Variants in ABCG2 observed in about 807,000 individuals in gnomAD.
The protein encoded by ABCG2 is ATP binding cassette subfamily G member 2 (JR blood group), also known as broad substrate specificity ATP-binding cassette transporter ABCG2.
ABCG2 carries 80 observed loss-of-function variants against 73.5 expected under a neutral mutation model. The ratio of observed to expected loss-of-function variants is 1.09; its 90% confidence interval spans 0.91 to 1.31. The LOEUF is 1.31. Ranked by LOEUF, ABCG2 falls within the 50% of genes most tolerant of loss-of-function variation. The probability of loss-of-function intolerance (pLI) is 0.00; values close to 1 mark genes in which losing one functional copy is unlikely to be tolerated. For synonymous variants in ABCG2, 269 were observed against 282.4 expected (o/e 0.95, Z 0.48); for missense variants, 796 against 786.2 (o/e 1.01, Z -0.15).
At chr4:88,153,070 C>T (rs539030527) in intron 1 of ABCG2, among the ~76,000 whole-genome samples, 3 of 152,240 alleles carry the variant, frequency 2.0e-5, no homozygotes, top group Admixed American at 1.3e-4. Context: ...GGACCCAGGA[C>T]ATCCAATTAG....
At chr4:88,156,140 C>T (rs188077525) in intron 1 of ABCG2, among the ~76,000 whole-genome samples, 16 of 151,746 alleles carry the variant, frequency 1.1e-4, no homozygotes, top group South Asian at 4.2e-4. Context: ...TTTGGGAGGC[C>T]GAGGCGGGCA....
At chr4:88,106,146 G>GT (rs1352872304) in intron 10 of ABCG2, among the ~76,000 whole-genome samples, 2 of 151,988 alleles carry the variant, frequency 1.3e-5, no homozygotes, top group East Asian at 1.9e-4. Context: ...TTTTTTGTTT[G>GT]TTTTTTTAAG....
rs1198133094 is a variant in ABCG2 at position 88,154,839 on chromosome 4, A to G, written c.-20+3547T>C. Among the ~76,000 whole-genome samples the G allele has an allele frequency of 3.9e-5, 6 of 152,276 alleles. No individual in the cohort carries two copies. The East Asian group carries it at 1.2e-3, about 29-fold the overall frequency. ...GAAAATAGATTTTGGAAGTTATGAG[A>G]GCTGTAGAGAGTGAGTTGAGCATAG... is the stretch of plus-strand genomic sequence containing the variant. On this transcript the variant is annotated intron_variant, in intron 1 of 15. Transcript: ENST00000237612.
At chr4:88,192,106 G>T (rs1321240838) in intron 1 of ABCG2, among the ~76,000 whole-genome samples, 1 of 151,852 alleles carries the variant, frequency 6.6e-6, no homozygotes, top group Non-Finnish European at 1.5e-5. Flanking sequence ...ACTTGAACTC[G>T]GGAGGTGGAG....
chr4:88,145,668 G>A (rs935820599), intron 1 of ABCG2, among the ~76,000 whole-genome samples: 2 of 152,014 alleles, frequency 1.3e-5, no homozygotes, highest in Non-Finnish European at 2.9e-5. Context: ...GGCCAGGTGC[G>A]GTGGCTCTTG....
intron 5 of ABCG2, among the ~76,000 whole-genome samples, chr4:88,124,880 A>T (rs961470663): frequency 2.6e-5 from 4 of 152,222 alleles, no homozygotes; most frequent in Non-Finnish European, 5.9e-5. Context: ...CACAGCACTT[A>T]TTCTAAAATT....
At chr4:88,106,964 C>T (rs1381783335) in intron 10 of ABCG2, among the ~76,000 whole-genome samples, 1 of 152,160 alleles carries the variant, frequency 6.6e-6, no homozygotes, top group Non-Finnish European at 1.5e-5. Flanking sequence ...ATTGCTTGAA[C>T]CCGGGAGGCG....
intron 1 of ABCG2, among the ~76,000 whole-genome samples, chr4:88,165,882 AAAAG>A (rs1310609115): frequency 1.3e-5 from 2 of 152,176 alleles, no homozygotes; most frequent in African/African-American, 2.4e-5. Flanking sequence ...TCAAAAAAAA[AAAAG>A]AGAGAGAGAA....
intron 7 of ABCG2, among the ~76,000 whole-genome samples, chr4:88,115,284 A>ATATATATATATATATT (rs58774529): frequency 3.8e-4 from 28 of 73,124 alleles, no homozygotes; most frequent in East Asian, 8.4e-4. Context: ...ATATATATAT[A>ATATATATATATATATT]ATTTATTTAT....
chr4:88,126,157 G>A (rs531489634), intron 5 of ABCG2, among the ~76,000 whole-genome samples: 4 of 152,188 alleles, frequency 2.6e-5, no homozygotes, highest in South Asian at 2.1e-4. Context: ...ACACCTCTAC[G>A]CAAATAAACT....
intron 5 of ABCG2, among the ~76,000 whole-genome samples, chr4:88,123,552 G>T (rs1320342250): frequency 6.6e-6 from 1 of 151,910 alleles, no homozygotes; most frequent in Non-Finnish European, 1.5e-5. Context: ...TCAAGCGGAA[G>T]AAAGGATATA....
chr4:88,090,657 C>T lies in ABCG2; in HGVS notation c.*1577G>A, dbSNP rs2110162587. ...TGACCAGTGTCAGGGCGTCTATACACCATGATGCCCCAGCTCAGTTAACTC... is the reference window on the plus strand; with the variant it reads ...TGACCAGTGTCAGGGCGTCTATACATCATGATGCCCCAGCTCAGTTAACTC... On this transcript the variant is annotated 3_prime_UTR_variant, in exon 16 of 16. Transcript: ENST00000237612. 1 of 152,320 alleles carries T rather than the reference C, an allele frequency of 6.6e-6. No homozygotes were observed. Among genetic ancestry groups the T allele is most frequent in the East Asian group, 1.9e-4 (1 of 5,186 alleles). The allele number at this position is 152,320 out of a possible 1,614,324, so 9.4% of individuals were successfully genotyped here.
Position 88,230,085 on chromosome 4 carries a change from T to C in ABCG2, c.-20+909A>G, listed in dbSNP as rs529822601. ...TTAGCTCACTGCAAATGCTGCCTCC[T>C]GGGTTTAAGCGATTCTCCTGCCTCA... On this transcript the variant is annotated intron_variant, in intron 1 of 15. Transcript: ENST00000515655. Among the ~76,000 whole-genome samples, 15 of 149,680 alleles carry C rather than the reference T, an allele frequency of 1.0e-4. No individual in the cohort carries two copies. In the South Asian group the frequency reaches 3.2e-3, roughly 32 times the overall value.
At chr4:88,108,476 G>A (rs1032845130) in intron 9 of ABCG2, among the ~76,000 whole-genome samples, 8 of 152,038 alleles carry the variant, frequency 5.3e-5, no homozygotes, top group Admixed American at 1.3e-4. Flanking sequence ...AGGTTGCAGC[G>A]AGCCAAGATC....
intron 1 of ABCG2, among the ~76,000 whole-genome samples, chr4:88,198,058 C>T (rs115135870): frequency 0.016 from 2,461 of 149,544 alleles, 34 homozygotes; most frequent in Middle Eastern, 0.032. Context: ...CGTTTGTTTC[C>T]AGCTGGGCAT....
intron 1 of ABCG2, among the ~76,000 whole-genome samples, chr4:88,165,447 G>A (rs1283687240): frequency 6.6e-6 from 1 of 152,166 alleles, no homozygotes; most frequent in African/African-American, 2.4e-5. Context: ...AAAGCCAGCA[G>A]CATAGCAGCC....
rs145936412 is a variant in ABCG2 at position 88,226,392 on chromosome 4, C to T, written c.-20+4602G>A. On this transcript the variant is annotated intron_variant, in intron 1 of 15. Coordinates refer to the ABCG2 transcript ENST00000515655. Reference sequence around the variant, plus strand: ...CACACAAGAACATGTTTGACCATGACTAAACCTGGGGCAACACCTACAACC... The same window carrying T: ...CACACAAGAACATGTTTGACCATGATTAAACCTGGGGCAACACCTACAACC... Among the ~76,000 whole-genome samples the T allele has an allele frequency of 2.3e-3, 349 of 152,316 alleles. 1 individual carries two copies. The highest frequency in any genetic ancestry group is 8.2e-3 in the African/African-American group (339 of 41,566).
At chr4:88,168,352 TG>T (rs1727624361) in intron 1 of ABCG2, among the ~76,000 whole-genome samples, 1 of 151,988 alleles carries the variant, frequency 6.6e-6, no homozygotes, top group South Asian at 2.1e-4. Flanking sequence ...CTGAGCATGG[TG>T]GCATGCGCCT....
intron 1 of ABCG2, among the ~76,000 whole-genome samples, chr4:88,222,188 A>T (rs6811890): frequency 0.26 from 39,207 of 152,162 alleles, 5,999 homozygotes; most frequent in African/African-American, 0.42. Context: ...TTGGGCCTGC[A>T]GGTGTGCAGA....
Sources: gnomAD v4.1 joint callset for allele counts (sites outside exome capture counted in the v4.1 genomes callset) on GRCh38, gnomAD v4.1.1 for gene constraint, MANE v1.5 for transcripts, NCBI Gene and HGNC (gene_info 2026-07-23, HGNC 2026-07-21) for gene names.